SLC2A12: variants seen among roughly 807,000 people sequenced by gnomAD.
SLC2A12 encodes the protein solute carrier family 2 member 12.
SLC2A12 carries 23 observed loss-of-function variants against 41.8 expected under a neutral mutation model. The observed-to-expected ratio is 0.55, with a 90% CI of 0.40 to 0.78. The LOEUF (loss-of-function observed/expected upper bound fraction) is 0.78, where lower values mean the gene tolerates loss of function less well. SLC2A12 is among the 30% of genes least tolerant of loss of function. The pLI is 0.00. For missense variants in SLC2A12, 654 were observed against 745.6 expected, an observed-to-expected ratio of 0.88 and a Z score of 1.43; for synonymous variants, 295 against 285.9, an observed-to-expected ratio of 1.03 and a Z score of -0.32.
intron 1 of SLC2A12, among the ~76,000 whole-genome samples, chr6:134,039,347 T>C (rs1029457871): frequency 3.9e-5 from 6 of 152,204 alleles, no homozygotes; most frequent in East Asian, 3.9e-4. Flanking sequence ...GCAAGCTCTA[T>C]CTTCACCTCA....
Position 134,028,921 on chromosome 6 carries a change from A to T in SLC2A12, c.904T>A (p.Ser302Thr). The T allele has an allele frequency of 6.2e-7, 1 of 1,614,242 alleles. No individual in the cohort carries two copies. Among genetic ancestry groups the T allele is most frequent in the Non-Finnish European group, 8.5e-7 (1 of 1,180,042 alleles). The change falls in exon 2 of 5, where the codon TCA becomes ACA. Residue 302 changes from serine (S) to threonine (T), a missense_variant. By Grantham distance (58) the Ser-to-Thr change is moderately conservative (BLOSUM62 1). Transcript: ENST00000275230. ...TGQPNILFYA[S>T]TVLKSVGFQS... ...AATCCAACTGACTTCAAAACAGTTGATGCATAGAACAATATGTTTGGTTGG... is the reference window on the plus strand; with the variant it reads ...AATCCAACTGACTTCAAAACAGTTGTTGCATAGAACAATATGTTTGGTTGG...
At chr6:134,000,835 G>C (rs1776746014) in intron 4 of SLC2A12, among the ~76,000 whole-genome samples, 1 of 152,166 alleles carries the variant, frequency 6.6e-6, no homozygotes, top group Non-Finnish European at 1.5e-5. Context: ...ATTCATATAA[G>C]AAACTTATCT....
chr6:133,993,709 A>G (rs1274291755), intron 4 of SLC2A12, among the ~76,000 whole-genome samples: 2 of 152,196 alleles, frequency 1.3e-5, no homozygotes, highest in Non-Finnish European at 2.9e-5. Flanking sequence ...TTGGGATTTG[A>G]AATAGAGGGA....
At chr6:134,010,336 C>T (rs1776863836) in intron 2 of SLC2A12, among the ~76,000 whole-genome samples, 1 of 152,112 alleles carries the variant, frequency 6.6e-6, no homozygotes, top group Admixed American at 6.5e-5. Context: ...TTCTTTATTC[C>T]CTACCCCGAT....
chr6:134,052,353 C>G, intron 1 of SLC2A12, 25 bp downstream of exon 1: 2 of 1,599,514 alleles, frequency 1.3e-6, no homozygotes, highest in Non-Finnish European at 8.5e-7. Context: ...TCTGCGGTCA[C>G]CCGAGCACTG....
intron 2 of SLC2A12, among the ~76,000 whole-genome samples, chr6:134,025,216 C>A (rs1339355988): frequency 1.3e-5 from 2 of 152,040 alleles, no homozygotes; most frequent in Non-Finnish European, 2.9e-5. Context: ...TAACATTTAC[C>A]CTTAAGATCA....
intron 1 of SLC2A12, among the ~76,000 whole-genome samples, chr6:134,052,069 A>G (rs1773691492): frequency 6.6e-6 from 1 of 152,148 alleles, no homozygotes; most frequent in Non-Finnish European, 1.5e-5. Context: ...TGTATTATGT[A>G]AACACAATCA....
chr6:134,045,498 G>A lies in SLC2A12; in HGVS notation c.103+6880C>T, dbSNP rs537861648. Among the ~76,000 whole-genome samples the A allele has an allele frequency of 2.1e-4, 32 of 152,306 alleles. No individual in the cohort carries two copies. In the South Asian group the frequency reaches 2.3e-3, roughly 11 times the overall value. ...CCTAATTAGTTACCGGCTAGACTTT[G>A]ATAAGTCCCTTAAGGTTTGTTTCTC... On this transcript the variant is annotated intron_variant, in intron 1 of 4. Coordinates refer to ENST00000275230, the MANE Select transcript of SLC2A12 (RefSeq NM_145176.3).
intron 2 of SLC2A12, among the ~76,000 whole-genome samples, chr6:134,025,478 G>A (rs954199756): frequency 6.6e-6 from 1 of 152,192 alleles, no homozygotes; most frequent in Non-Finnish European, 1.5e-5. Flanking sequence ...GGAATCTAAA[G>A]CTTAAACCAT....
intron 1 of SLC2A12, among the ~76,000 whole-genome samples, chr6:134,051,376 G>A (rs1056797756): frequency 1.3e-4 from 20 of 152,146 alleles, no homozygotes; most frequent in East Asian, 9.6e-4. Flanking sequence ...CAAGGCAAAC[G>A]TCAGTATTAG....
At chr6:134,027,859 C>T (rs1269071086) in intron 2 of SLC2A12, among the ~76,000 whole-genome samples, 1 of 152,178 alleles carries the variant, frequency 6.6e-6, no homozygotes, top group Non-Finnish European at 1.5e-5. Context: ...AGTAAAGTGC[C>T]ATGGGAGGCT....
chr6:134,048,949 C>T (rs1773632405), intron 1 of SLC2A12, among the ~76,000 whole-genome samples: 1 of 152,156 alleles, frequency 6.6e-6, no homozygotes, highest in Non-Finnish European at 1.5e-5. Flanking sequence ...AGCTGACTGA[C>T]GAAGCCTGAG....
chr6:133,995,841 T>C (rs1042850589), intron 4 of SLC2A12, among the ~76,000 whole-genome samples: 1 of 152,232 alleles, frequency 6.6e-6, no homozygotes. Flanking sequence ...TCCTAACTCA[T>C]TGTCAAAGAT....
intron 3 of SLC2A12, among the ~76,000 whole-genome samples, chr6:134,005,646 T>G (rs1243151488): frequency 2.2e-5 from 2 of 92,838 alleles, no homozygotes; most frequent in African/African-American, 9.3e-5. Flanking sequence ...GGCAAGAGAG[T>G]GAGACTCTGT....
chr6:134,014,167 G>A (rs972178524), intron 2 of SLC2A12, among the ~76,000 whole-genome samples: 1 of 152,188 alleles, frequency 6.6e-6, no homozygotes, highest in South Asian at 2.1e-4. Context: ...ATTCAAGTAC[G>A]TGACGTTTAT....
intron 2 of SLC2A12, among the ~76,000 whole-genome samples, chr6:134,018,670 C>A (rs553198950): frequency 2.6e-5 from 4 of 152,164 alleles, no homozygotes; most frequent in Non-Finnish European, 5.9e-5. Context: ...TTTCACTTAC[C>A]CTCTTTTATT....
chr6:134,006,568 G>GA lies in SLC2A12; in HGVS notation c.1567+243dup, dbSNP rs930971133. Among the ~76,000 whole-genome samples the GA allele has an allele frequency of 3.9e-5, 6 of 152,098 alleles. No homozygotes were observed. In the South Asian group the frequency reaches 6.2e-4, roughly 16 times the overall value. On this transcript the variant is annotated intron_variant, in intron 3 of 4. Transcript: ENST00000275230. The stretch of plus-strand genomic sequence containing the variant: ...CAAAGGTCTATGCTGAAATTTTTCA[G>GA]AAAAAACAACATTGCATATGGGATG...
At chr6:134,003,253 C>T (rs1776774539) in intron 3 of SLC2A12, among the ~76,000 whole-genome samples, 1 of 152,208 alleles carries the variant, frequency 6.6e-6, no homozygotes, top group South Asian at 2.1e-4. Context: ...TTTAATTAAA[C>T]TCCTGTCTCT....
At chr6:134,035,611 T>C (rs1254384841) in intron 1 of SLC2A12, among the ~76,000 whole-genome samples, 3 of 152,186 alleles carry the variant, frequency 2.0e-5, no homozygotes, top group Non-Finnish European at 4.4e-5. Flanking sequence ...CCATGTCACA[T>C]CAAACTTTGA....
Sources: gnomAD v4.1 joint callset for allele counts (sites outside exome capture counted in the v4.1 genomes callset) on GRCh38, gnomAD v4.1.1 for gene constraint, MANE v1.5 for transcripts, NCBI Gene and HGNC (gene_info 2026-07-23, HGNC 2026-07-21) for gene names.